Variants in NEDD4 observed in about 807,000 individuals in gnomAD.
NEDD4 encodes the protein E3 ubiquitin-protein ligase NEDD4.
A neutral mutation model predicts 144.9 loss-of-function variants in NEDD4; 99 were observed. That is an observed-to-expected ratio of 0.68 (90% CI 0.58 to 0.81). The LOEUF (loss-of-function observed/expected upper bound fraction) is 0.81. NEDD4 is among the 30% of genes least tolerant of loss of function. The probability of loss-of-function intolerance (pLI) is 0.00; values close to 1 mark genes in which losing one functional copy is unlikely to be tolerated. For synonymous variants in NEDD4, 318 were observed against 350.6 expected, an observed-to-expected ratio of 0.91 and a Z score of 1.04; for missense variants, 985 against 1,065.9, an observed-to-expected ratio of 0.92 and a Z score of 1.06.
At chr15:55,972,206 T>C (rs1279779186) in intron 1 of NEDD4, among the ~76,000 whole-genome samples, 2 of 152,180 alleles carry the variant, frequency 1.3e-5, no homozygotes, top group African/African-American at 2.4e-5. Flanking sequence ...CATGTAAAAG[T>C]AAGTACACAG....
At chr15:55,978,816 ATCT>A (rs2142351696) in intron 1 of NEDD4, among the ~76,000 whole-genome samples, 1 of 151,894 alleles carries the variant, frequency 6.6e-6, no homozygotes, top group Non-Finnish European at 1.5e-5. Flanking sequence ...GTAATGTGTT[ATCT>A]ATGCGGGCAG....
At chr15:55,880,107 C>T (rs1043602349) in intron 5 of NEDD4, among the ~76,000 whole-genome samples, 1 of 152,094 alleles carries the variant, frequency 6.6e-6, no homozygotes, top group Non-Finnish European at 1.5e-5. Context: ...GCCTGACCTA[C>T]ATGGTGAAAC....
chr15:55,841,723 C>A (rs1256923114), intron 19 of NEDD4, among the ~76,000 whole-genome samples: 1 of 152,106 alleles, frequency 6.6e-6, no homozygotes, highest in Non-Finnish European at 1.5e-5. Flanking sequence ...AGGCGCCCGC[C>A]ACCACGCCTG....
At chr15:55,932,935 G>A (rs2036811428) in intron 4 of NEDD4, among the ~76,000 whole-genome samples, 1 of 152,180 alleles carries the variant, frequency 6.6e-6, no homozygotes, top group African/African-American at 2.4e-5. Flanking sequence ...CATCATCACT[G>A]GCCATCAGAG....
At chr15:55,958,799 C>T (rs2037380425) in intron 2 of NEDD4, among the ~76,000 whole-genome samples, 1 of 151,980 alleles carries the variant, frequency 6.6e-6, no homozygotes, top group South Asian at 2.1e-4. Flanking sequence ...TACTTCTTTA[C>T]TGATACAAAA....
At chr15:55,852,295 C>T in intron 13 of NEDD4, 129 bp downstream of exon 13, 1 of 1,124,762 alleles carries the variant, frequency 8.9e-7, no homozygotes, top group East Asian at 2.9e-5. Context: ...GACTCCATCT[C>T]AAAAAAATAA....
chr15:55,869,622 C>T lies in NEDD4; in HGVS notation c.464G>A (p.Ser155Asn), dbSNP rs1363087020. The change falls in exon 8 of 29, where the codon AGT becomes AAT. Residue 155 changes from serine (S) to asparagine (N), a missense_variant. Ser to Asn is a conservative substitution (Grantham distance 46, BLOSUM62 1). Transcript: ENST00000435532. ...RLKMTYLPKT[S>N]GSEDDNAEQA... Reference sequence around the variant, plus strand: ...TTCTGCATTATCATCTTCTGAGCCACTGGTTTTAGGTAAATAAGTCATTTT... The same window carrying T: ...TTCTGCATTATCATCTTCTGAGCCATTGGTTTTAGGTAAATAAGTCATTTT... The T allele has an allele frequency of 6.3e-7, 1 of 1,586,522 alleles. No homozygotes were observed.
intron 2 of NEDD4, among the ~76,000 whole-genome samples, chr15:55,964,369 C>T (rs1340045812): frequency 3.3e-5 from 5 of 152,126 alleles, no homozygotes; most frequent in Non-Finnish European, 7.4e-5. Context: ...ACAATTTCTA[C>T]TGATCTATCT....
chr15:55,830,297 T>C (rs894845707), intron 28 of NEDD4, among the ~76,000 whole-genome samples: 1 of 152,216 alleles, frequency 6.6e-6, no homozygotes, highest in Non-Finnish European at 1.5e-5. Context: ...TCACTCAGTT[T>C]AGGTGGGTCT....
chr15:55,859,809 A>G (rs1214332096), intron 11 of NEDD4, among the ~76,000 whole-genome samples: 3 of 152,202 alleles, frequency 2.0e-5, no homozygotes, highest in Non-Finnish European at 4.4e-5. Flanking sequence ...TCAAGACAAA[A>G]TCAAGACCAC....
At chr15:55,865,648 T>G (rs2034560921) in intron 8 of NEDD4, among the ~76,000 whole-genome samples, 1 of 152,166 alleles carries the variant, frequency 6.6e-6, no homozygotes. Context: ...GCTTCTGTTC[T>G]AGGCCTGGAG....
At chr15:55,980,101 C>A (rs1489306333) in intron 1 of NEDD4, among the ~76,000 whole-genome samples, 2 of 152,036 alleles carry the variant, frequency 1.3e-5, no homozygotes, top group African/African-American at 4.8e-5. Flanking sequence ...TGCCACTATG[C>A]CCAGCTAATT....
At chr15:55,932,614 G>T (rs1313526748) in intron 4 of NEDD4, among the ~76,000 whole-genome samples, 1 of 152,154 alleles carries the variant, frequency 6.6e-6, no homozygotes, top group African/African-American at 2.4e-5. Context: ...CATGGGCAAG[G>T]ACTTCATGAC....
chr15:55,976,795 AT>A (rs35449168), intron 1 of NEDD4, among the ~76,000 whole-genome samples: 78,416 of 149,948 alleles, frequency 0.52, 20,597 homozygotes, highest in Non-Finnish European at 0.57. Context: ...CACCTGGCTA[AT>A]TTTTTTTTTT....
At chr15:55,834,187 G>T in intron 25 of NEDD4, 40 bp downstream of exon 25, 1 of 1,605,698 alleles carries the variant, frequency 6.2e-7, no homozygotes, top group East Asian at 2.2e-5. Flanking sequence ...AAAATAATGG[G>T]TTCACAATTT....
intron 18 of NEDD4, among the ~76,000 whole-genome samples, chr15:55,845,471 A>C (rs1238551726): frequency 6.6e-6 from 1 of 152,160 alleles, no homozygotes; most frequent in African/African-American, 2.4e-5. Flanking sequence ...TAAACTTCTA[A>C]GAAGAACGCC....
chr15:55,838,437 A>G (rs1375857775), intron 22 of NEDD4, 72 bp downstream of exon 22: 14 of 1,021,182 alleles, frequency 1.4e-5, no homozygotes, highest in Non-Finnish European at 2.0e-5. Context: ...GAATGTATTA[A>G]GTGTACGTAT....
intron 5 of NEDD4, among the ~76,000 whole-genome samples, chr15:55,911,093 A>T (rs2036258434): frequency 6.6e-6 from 1 of 152,044 alleles, no homozygotes. Context: ...AGATTCTTTC[A>T]CATTTCTAGC....
intron 13 of NEDD4, 45 bp downstream of exon 13, chr15:55,852,379 C>T: frequency 6.3e-7 from 1 of 1,581,038 alleles, no homozygotes; most frequent in Non-Finnish European, 8.6e-7. Context: ...AGGGATGTGA[C>T]AGTTTAAATC....
Sources: gnomAD v4.1 joint callset for allele counts (sites outside exome capture counted in the v4.1 genomes callset) on GRCh38, gnomAD v4.1.1 for gene constraint, MANE v1.5 for transcripts, NCBI Gene and HGNC (gene_info 2026-07-23, HGNC 2026-07-21) for gene names.